Variants in DLGAP2 observed in about 807,000 individuals in gnomAD.
DLGAP2 encodes disks large-associated protein 2.
Under a neutral mutation model 100.3 loss-of-function variants are expected in DLGAP2, and 26 were observed. That is an observed-to-expected ratio of 0.26 (90% CI 0.19 to 0.36). The LOEUF is 0.36. Among genes scored for constraint, DLGAP2 ranks in the 10% least tolerant of loss-of-function variants. The pLI is 1.00. For missense variants in DLGAP2, 1,858 were observed against 1,453.2 expected (o/e 1.28, Z -4.53); for synonymous variants, 886 against 630.1 (o/e 1.41, Z -6.08).
At chr8:1,307,620 A>T (rs1800520031) in intron 3 of DLGAP2, among the ~76,000 whole-genome samples, 1 of 152,256 alleles carries the variant, frequency 6.6e-6, no homozygotes, top group Admixed American at 6.5e-5. Flanking sequence ...CCACGTGTGC[A>T]ATAGACACGT....
rs1044001716 is a variant in DLGAP2 at position 1,422,009 on chromosome 8, C to A, written c.107-79357C>A. ...AAAAGAGAAAAAGTGGCGGGTAAAA[C>A]AGTTAGCAATCATAATAGCTGATAT... On this transcript the variant is annotated intron_variant, in intron 3 of 14. Transcript: ENST00000637795. Among the ~76,000 whole-genome samples the A allele has an allele frequency of 9.6e-4, 145 of 150,294 alleles. 1 individual carries two copies. The highest frequency in any genetic ancestry group is 3.3e-3 in the African/African-American group (137 of 41,120).
intron 1 of DLGAP2, among the ~76,000 whole-genome samples, chr8:879,145 A>G (rs1157470270): frequency 6.6e-6 from 1 of 152,158 alleles, no homozygotes; most frequent in Non-Finnish European, 1.5e-5. Context: ...TAGGATCACA[A>G]AGGGAGTTTG....
chr8:1,341,681 G>A (rs961412287), intron 3 of DLGAP2, among the ~76,000 whole-genome samples: 4 of 152,308 alleles, frequency 2.6e-5, no homozygotes, highest in Admixed American at 2.6e-4. Flanking sequence ...TAGGGAAACA[G>A]AGATGAGCCC....
intron 3 of DLGAP2, among the ~76,000 whole-genome samples, chr8:1,309,573 G>A (rs963528223): frequency 6.6e-6 from 1 of 152,176 alleles, no homozygotes; most frequent in African/African-American, 2.4e-5. Context: ...TGCTCTACAA[G>A]AATGCGAAAG....
intron 2 of DLGAP2, among the ~76,000 whole-genome samples, chr8:1,256,476 T>C (rs1332017461): frequency 0.022 from 2,623 of 118,674 alleles, 270 homozygotes; most frequent in African/African-American, 0.091. Context: ...CTCTCCTGCC[T>C]GGGTGCTGTG....
chr8:1,110,894 C>A (rs1272519542), intron 2 of DLGAP2, among the ~76,000 whole-genome samples: 1 of 152,060 alleles, frequency 6.6e-6, no homozygotes, highest in East Asian at 1.9e-4. Flanking sequence ...CTGTGGGGCC[C>A]TTCCCTGTGG....
intron 2 of DLGAP2, among the ~76,000 whole-genome samples, chr8:1,037,288 G>A (rs1459815408): frequency 6.6e-6 from 1 of 152,082 alleles, no homozygotes; most frequent in Non-Finnish European, 1.5e-5. Flanking sequence ...GCGTGACCCT[G>A]ACTTCAGGCT....
At chr8:1,234,808 A>G (rs73529841) in intron 2 of DLGAP2, among the ~76,000 whole-genome samples, 3,155 of 152,270 alleles carry the variant, frequency 0.021, 125 homozygotes, top group African/African-American at 0.072. Context: ...TGTGCCCTCA[A>G]GTGAGTGAGT....
intron 3 of DLGAP2, among the ~76,000 whole-genome samples, chr8:1,279,134 G>C (rs549724154): frequency 1.7e-4 from 26 of 152,330 alleles, no homozygotes; most frequent in African/African-American, 6.0e-4. Context: ...ATTGCAAATA[G>C]AGGTGTCAGT....
chr8:1,127,711 C>T (rs1370366611), intron 2 of DLGAP2, among the ~76,000 whole-genome samples: 1 of 152,170 alleles, frequency 6.6e-6, no homozygotes. Context: ...AACAGAAAAC[C>T]TTGGAAACTG....
At chr8:1,538,738 G>A (rs191153030) in intron 4 of DLGAP2, among the ~76,000 whole-genome samples, 2 of 152,178 alleles carry the variant, frequency 1.3e-5, no homozygotes, top group African/African-American at 4.8e-5. Context: ...AAGCCCCAGG[G>A]TGCAGCCCTC....
intron 8 of DLGAP2, among the ~76,000 whole-genome samples, chr8:1,652,790 G>A (rs1798197213): frequency 6.6e-6 from 1 of 152,168 alleles, no homozygotes; most frequent in African/African-American, 2.4e-5. Context: ...GAGACAGACA[G>A]TAATGAGACC....
chr8:1,577,631 T>G (rs1803042461), intron 6 of DLGAP2, among the ~76,000 whole-genome samples: 1 of 151,104 alleles, frequency 6.6e-6, no homozygotes, highest in Non-Finnish European at 1.5e-5. Context: ...AACAAGAGGT[T>G]TATTGTGAGA....
intron 2 of DLGAP2, among the ~76,000 whole-genome samples, chr8:1,235,597 A>G (rs1211919208): frequency 8.0e-6 from 1 of 125,530 alleles, no homozygotes; most frequent in African/African-American, 3.8e-5. Context: ...GTTCTCTCAC[A>G]TGGTGCCGTG....
intron 3 of DLGAP2, among the ~76,000 whole-genome samples, chr8:1,319,417 G>A (rs939843412): frequency 1.3e-5 from 2 of 152,326 alleles, no homozygotes; most frequent in African/African-American, 4.8e-5. Context: ...GGAAATGAGT[G>A]TGTCTGCCCA....
At chr8:1,303,835 C>G (rs1011826872) in intron 3 of DLGAP2, among the ~76,000 whole-genome samples, 3 of 152,170 alleles carry the variant, frequency 2.0e-5, no homozygotes, top group African/African-American at 7.2e-5. Flanking sequence ...GCGGGACTCC[C>G]GGGAGGCACC....
intron 1 of DLGAP2, among the ~76,000 whole-genome samples, chr8:791,627 T>A (rs868806580): frequency 6.6e-6 from 1 of 152,194 alleles, no homozygotes; most frequent in African/African-American, 2.4e-5. Flanking sequence ...GTGCTGTGAA[T>A]TTTTTTGATG....
At chr8:854,049 C>T (rs1374746652) in intron 1 of DLGAP2, among the ~76,000 whole-genome samples, 1 of 152,156 alleles carries the variant, frequency 6.6e-6, no homozygotes. Context: ...AAGAGGCCCT[C>T]GGCAGAGAGT....
chr8:1,480,912 C>T (rs1225742925), intron 3 of DLGAP2, among the ~76,000 whole-genome samples: 1 of 151,776 alleles, frequency 6.6e-6, no homozygotes, highest in African/African-American at 2.4e-5. Context: ...GTGGCTTACG[C>T]CTGTAATCCC....
Sources: gnomAD v4.1 joint callset for allele counts (sites outside exome capture counted in the v4.1 genomes callset) on GRCh38, gnomAD v4.1.1 for gene constraint, MANE v1.5 for transcripts, NCBI Gene and HGNC (gene_info 2026-07-23, HGNC 2026-07-21) for gene names.